ARHGAP32: variants seen among roughly 807,000 people sequenced by gnomAD.
The protein encoded by ARHGAP32 is rho GTPase-activating protein 32.
In ARHGAP32, 51 loss-of-function variants were observed where a neutral mutation model predicts 186.5. The observed-to-expected ratio is 0.27, with a 90% CI of 0.22 to 0.35. ARHGAP32 has a LOEUF of 0.35. Ranked by LOEUF, ARHGAP32 falls within the 10% of genes least tolerant of loss-of-function variation. ARHGAP32 has a pLI of 1.00. For missense variants in ARHGAP32, 2,186 were observed against 2,623.5 expected (o/e 0.83, Z 3.64); for synonymous variants, 950 against 964.3 (o/e 0.99, Z 0.27).
intron 1 of ARHGAP32, among the ~76,000 whole-genome samples, chr11:129,176,849 C>T (rs550160642): frequency 5.9e-5 from 9 of 152,084 alleles, no homozygotes; most frequent in East Asian, 5.8e-4. Flanking sequence ...GATCCAACAT[C>T]GACACCCTAA....
rs763252101 is a variant in ARHGAP32, at chr11:128,971,098, G to A, written c.4115C>T (p.Ala1372Val). 19 of 1,614,084 alleles carry A rather than the reference G, an allele frequency of 1.2e-5. No individual in the cohort carries two copies. Among genetic ancestry groups the A allele is most frequent in the South Asian group, 3.3e-5 (3 of 91,082 alleles). The part of the protein sequence containing the change: ...PPEPRAMDDP[A>V]SAFISDSGAA... Reference sequence around the variant, plus strand: ...ACCACTGTCACTGATGAAGGCAGACGCAGGGTCATCCATGGCTCGAGGTTC... The same window carrying A: ...ACCACTGTCACTGATGAAGGCAGACACAGGGTCATCCATGGCTCGAGGTTC... The change falls in exon 23 of 23, where the codon GCG becomes GTG. Residue 1372 changes from alanine to valine, a missense_variant. This residue lies in a region of ARHGAP32 where 1,502 missense variants were observed against 1,570.0 expected (regional missense o/e 0.96). Coordinates refer to ENST00000682385, the MANE Select transcript of ARHGAP32 (RefSeq NM_001378024.1).
At chr11:129,007,971 G>A (rs1937873585) in intron 11 of ARHGAP32, among the ~76,000 whole-genome samples, 2 of 152,232 alleles carry the variant, frequency 1.3e-5, no homozygotes, top group South Asian at 4.2e-4. Context: ...CTAAGTTCAA[G>A]CTGGTTTTGC....
At chr11:128,997,282 C>T (rs1386429682) in intron 12 of ARHGAP32, among the ~76,000 whole-genome samples, 2 of 151,936 alleles carry the variant, frequency 1.3e-5, no homozygotes. Flanking sequence ...TTGGGAATAA[C>T]ATCTGTTTGA....
intron 5 of ARHGAP32, among the ~76,000 whole-genome samples, chr11:129,099,039 C>T (rs986223635): frequency 5.3e-5 from 8 of 151,910 alleles, no homozygotes; most frequent in Admixed American, 3.3e-4. Context: ...ATTTAAAAAG[C>T]ATTAATGCAG....
rs1219240736 is a variant in ARHGAP32 at position 128,980,708 on chromosome 11, T to C, written c.1821A>G (p.Pro607=). 1 of 1,613,844 alleles carries C rather than the reference T, an allele frequency of 6.2e-7. No homozygotes were observed. The highest frequency in any genetic ancestry group is 1.7e-5 in the Admixed American group (1 of 59,960). ...SRPKSLLVSS[P]STKLLTLEEA... ...CTTCCAATGTCAGCAGTTTGGTGGA[T>C]GGAGAGGATACCAGGAGGGACTTGG... The change falls in exon 18 of 23, where the codon CCA becomes CCG. Residue 607 remains proline (P), a synonymous_variant. Coordinates refer to ENST00000682385, the MANE Select transcript of ARHGAP32 (RefSeq NM_001378024.1).
At chr11:129,266,123 T>G (rs1286879059) in intron 1 of ARHGAP32, among the ~76,000 whole-genome samples, 1 of 151,958 alleles carries the variant, frequency 6.6e-6, no homozygotes. Context: ...TGACAAGTTA[T>G]CCCAAAAAAA....
chr11:129,072,430 G>T (rs142864472), intron 6 of ARHGAP32, among the ~76,000 whole-genome samples: 183 of 152,240 alleles, frequency 1.2e-3, no homozygotes, highest in African/African-American at 4.2e-3. Context: ...CTGGTTACTG[G>T]TCTGCTATGT....
chr11:129,233,621 TAA>T (rs540593811), intron 1 of ARHGAP32, among the ~76,000 whole-genome samples: 3 of 137,554 alleles, frequency 2.2e-5, no homozygotes, highest in Non-Finnish European at 3.2e-5. Flanking sequence ...TCTATAATAT[TAA>T]AAAAAAAAAA....
chr11:129,140,387 A>C (rs1212211053), intron 2 of ARHGAP32, among the ~76,000 whole-genome samples: 1 of 152,218 alleles, frequency 6.6e-6, no homozygotes, highest in African/African-American at 2.4e-5. Flanking sequence ...AACATGCAGA[A>C]CTGTGAGATA....
chr11:129,278,377 T>A (rs1348362653), intron 1 of ARHGAP32, among the ~76,000 whole-genome samples: 2 of 152,150 alleles, frequency 1.3e-5, no homozygotes, highest in Non-Finnish European at 2.9e-5. Context: ...TCTGCTTGGG[T>A]CTCCTCCTTC....
At chr11:129,133,940 G>T (rs1942877778) in intron 2 of ARHGAP32, among the ~76,000 whole-genome samples, 1 of 152,184 alleles carries the variant, frequency 6.6e-6, no homozygotes, top group African/African-American at 2.4e-5. Context: ...ACTGTCTGAT[G>T]AAAGTTTATG....
intron 1 of ARHGAP32, among the ~76,000 whole-genome samples, chr11:129,201,524 A>G (rs1247151535): frequency 6.6e-6 from 1 of 152,192 alleles, no homozygotes; most frequent in Non-Finnish European, 1.5e-5. Context: ...AAATAATCAG[A>G]AAACCCTACA....
intron 2 of ARHGAP32, among the ~76,000 whole-genome samples, chr11:129,161,428 A>G (rs1943527260): frequency 1.3e-5 from 2 of 152,164 alleles, no homozygotes; most frequent in South Asian, 2.1e-4. Flanking sequence ...GCTAATATCC[A>G]GAATCTACAA....
chr11:129,018,574 T>C (rs1395401635), intron 11 of ARHGAP32, among the ~76,000 whole-genome samples: 1 of 152,194 alleles, frequency 6.6e-6, no homozygotes, highest in African/African-American at 2.4e-5. Flanking sequence ...ACTGAGAAAG[T>C]TTCTGAAAAA....
intron 12 of ARHGAP32, among the ~76,000 whole-genome samples, chr11:128,993,894 A>G (rs1195885593): frequency 6.6e-6 from 1 of 151,948 alleles, no homozygotes; most frequent in Non-Finnish European, 1.5e-5. Flanking sequence ...CTGTCCCTAC[A>G]AAAAAATCAA....
At chr11:129,041,939 C>T (rs1939610500) in intron 10 of ARHGAP32, among the ~76,000 whole-genome samples, 1 of 152,210 alleles carries the variant, frequency 6.6e-6, no homozygotes, top group Non-Finnish European at 1.5e-5. Flanking sequence ...TGTTGACAGA[C>T]TCTGGGGAAG....
intron 1 of ARHGAP32, among the ~76,000 whole-genome samples, chr11:129,218,596 GAGGCAGGAGAGATGAGACAGAAAA>G (rs1944674027): frequency 6.6e-6 from 1 of 152,076 alleles, no homozygotes; most frequent in African/African-American, 2.4e-5. Context: ...ACTATAAAAG[GAGGCAGGAGAGATGAGACAGAAAA>G]GGGACAGAAT....
rs751150967 is a variant in ARHGAP32 at position 129,164,349 on chromosome 11, C to T, written c.195G>A (p.Arg65=). ...ELHRNVHPRE[R]PDWEETLSAM... is the part of the protein sequence containing the mutation. ...CGCTAAGAGTTTCTTCCCAATCAGG[C>T]CGCTCTCGAGGGTGTACATTTCTAT... is the stretch of plus-strand genomic sequence containing the variant. The change falls in exon 2 of 23, where the codon CGG becomes CGA. Residue 65 remains arginine (R), a synonymous_variant. Coordinates refer to ENST00000682385, the MANE Select transcript of ARHGAP32 (RefSeq NM_001378024.1). 1.9e-6 allele frequency: 3 copies of T among 1,579,994 alleles called. No individual in the cohort carries two copies. The highest frequency in any genetic ancestry group is 2.6e-6 in the Non-Finnish European group (3 of 1,161,218).
intron 2 of ARHGAP32, among the ~76,000 whole-genome samples, chr11:129,138,550 C>G (rs1453662231): frequency 6.6e-6 from 1 of 152,078 alleles, no homozygotes. Flanking sequence ...TTTAAAGAAT[C>G]TTTCAAATAG....
Sources: allele counts gnomAD v4.1 joint callset (sites outside exome capture counted in the v4.1 genomes callset), GRCh38; gene constraint gnomAD v4.1.1; regional missense constraint gnomAD v4.1.1; transcripts MANE v1.5; gene names NCBI Gene and HGNC (gene_info 2026-07-23, HGNC 2026-07-21).